DCAF5: variants seen among roughly 807,000 people sequenced by gnomAD.
The protein encoded by DCAF5 is DDB1- and CUL4-associated factor 5.
DCAF5 carries 9 observed loss-of-function variants against 80.7 expected under a neutral mutation model. The observed-to-expected ratio is 0.11, with a 90% confidence interval of 0.07 to 0.19. The LOEUF (loss-of-function observed/expected upper bound fraction) is 0.19, where lower values mean the gene tolerates loss of function less well. DCAF5 is among the 10% of genes least tolerant of loss of function. DCAF5 has a pLI of 1.00. For missense variants in DCAF5, 842 were observed against 1,205.7 expected, an observed-to-expected ratio of 0.70 and a Z score of 4.47; for synonymous variants, 433 against 461.9, an observed-to-expected ratio of 0.94 and a Z score of 0.80.
At chr14:69,144,254 A>G (rs2041464568) in intron 1 of DCAF5, among the ~76,000 whole-genome samples, 1 of 152,122 alleles carries the variant, frequency 6.6e-6, no homozygotes, top group Non-Finnish European at 1.5e-5. Context: ...AAAGTTAAAT[A>G]ATAATTTTCA....
At chr14:69,108,835 C>A (rs988692296) in intron 5 of DCAF5, among the ~76,000 whole-genome samples, 2 of 152,058 alleles carry the variant, frequency 1.3e-5, no homozygotes, top group Non-Finnish European at 2.9e-5. Context: ...CGAGCAAAAT[C>A]CCAGTTATCT....
At chr14:69,097,627 C>A (rs2039777358) in intron 5 of DCAF5, among the ~76,000 whole-genome samples, 1 of 147,214 alleles carries the variant, frequency 6.8e-6, no homozygotes, top group Admixed American at 6.8e-5. Context: ...CACTTTGTCA[C>A]CCAGGCTGGA....
At chr14:69,071,507 G>C (rs1160773763) in intron 7 of DCAF5, among the ~76,000 whole-genome samples, 1 of 151,056 alleles carries the variant, frequency 6.6e-6, no homozygotes, top group African/African-American at 2.4e-5. Context: ...CATGCCATTA[G>C]GTATACAATG....
At chr14:69,102,605 CACACACACACACACAT>C (rs2039999243) in intron 5 of DCAF5, among the ~76,000 whole-genome samples, 1 of 148,192 alleles carries the variant, frequency 6.7e-6, no homozygotes, top group Non-Finnish European at 1.5e-5. Context: ...CACACACACA[CACACACACACACACAT>C]ATTAGCCTAG....
At position 69,070,436 on chromosome 14, in the gene DCAF5, T is replaced by C. The variant is rs114140525; in HGVS notation, c.946+4909A>G. ...GTTTTCAGAAAGCTTCCAAGATTAT[T>C]AAATCAACACACAATATAAGGCAGA... On this transcript the variant is annotated intron_variant, in intron 7 of 8. Transcript: ENST00000341516. 2.8e-3 allele frequency among the ~76,000 whole-genome samples: 425 copies of C among 152,334 alleles called. 2 individuals are homozygous for C. The highest frequency in any genetic ancestry group is 9.9e-3 in the African/African-American group (410 of 41,588).
intron 1 of DCAF5, among the ~76,000 whole-genome samples, chr14:69,139,016 T>C (rs2041274086): frequency 6.6e-6 from 1 of 151,768 alleles, no homozygotes; most frequent in Non-Finnish European, 1.5e-5. Flanking sequence ...TCAGGTGTGA[T>C]GGCACGTGCT....
At position 69,050,967 on chromosome 14, in the gene DCAF5, A is replaced by C. The variant is rs1039423535; in HGVS notation, c.*2890T>G. The C allele has an allele frequency of 6.5e-6, 1 of 152,678 alleles. No homozygotes were observed. Among genetic ancestry groups the C allele is most frequent in the African/African-American group, 2.4e-5 (1 of 41,470 alleles). The allele number at this position is 152,678 out of a possible 1,614,324, so 9.5% of individuals were successfully genotyped here. ...TTTGCATATACACAAGAGAAGAGTT[A>C]ACCGTTACTGGGTGAGAAGGAGGTA... On this transcript the variant is annotated 3_prime_UTR_variant, in exon 9 of 9. Transcript: ENST00000341516.
At position 69,054,383 on chromosome 14, in the gene DCAF5, C is replaced by T. The variant is rs761736212; in HGVS notation, c.2303G>A (p.Ser768Asn). Residue 768 changes from serine to asparagine, a missense_variant, in exon 9 of 9, where the codon AGC becomes AAC. Coordinates refer to ENST00000341516, the MANE Select transcript of DCAF5 (RefSeq NM_003861.3). The part of the protein sequence containing the change: ...PEGTSQDTGN[S>N]GSVEHPFETK... ...TTCAAAAGGGTGCTCTACAGAGCCG[C>T]TATTGCCAGTGTCCTGAGAGGTACC... 3.7e-6 allele frequency: 6 copies of T among 1,614,154 alleles called. No individual in the cohort carries two copies. In the South Asian group the frequency reaches 4.4e-5, roughly 12 times the overall value.
At chr14:69,099,296 ACAC>A (rs1299720732) in intron 5 of DCAF5, among the ~76,000 whole-genome samples, 2 of 143,364 alleles carry the variant, frequency 1.4e-5, no homozygotes, top group Admixed American at 7.0e-5. Flanking sequence ...ACACACACAC[ACAC>A]AACTAACAAA....
intron 1 of DCAF5, among the ~76,000 whole-genome samples, chr14:69,145,862 CAG>C (rs2041521586): frequency 6.6e-6 from 1 of 152,124 alleles, no homozygotes; most frequent in African/African-American, 2.4e-5. Flanking sequence ...AAAAAGAAGA[CAG>C]AGATTAAAAT....
At position 69,122,350 on chromosome 14, in the gene DCAF5, G is replaced by A. The variant is rs2040748277; in HGVS notation, c.225C>T (p.Asp75=). ...GGQWLVSGGD[D]RRVLLWHMEQ... ...CCATGTGCCATAGCAGAACCCGGCG[G>A]TCATCTCCTCCTTAAGAAGGAAATA... Residue 75 remains aspartate (D), a synonymous_variant, in exon 2 of 9, where the codon GAC becomes GAT. Transcript: ENST00000341516. 1.2e-6 allele frequency: 2 copies of A among 1,610,622 alleles called. No individual in the cohort carries two copies. Among genetic ancestry groups the A allele is most frequent in the East Asian group, 2.2e-5 (1 of 44,826 alleles).
chr14:69,075,321 C>T (rs1348319005), intron 7 of DCAF5, 24 bp downstream of exon 7: 4 of 1,597,112 alleles, frequency 2.5e-6, no homozygotes, highest in Non-Finnish European at 2.6e-6. Flanking sequence ...AATAGCAGTA[C>T]ATTCATGTGA....
chr14:69,076,173 G>C (rs1221155596), intron 6 of DCAF5, among the ~76,000 whole-genome samples: 2 of 151,900 alleles, frequency 1.3e-5, no homozygotes, highest in Non-Finnish European at 2.9e-5. Flanking sequence ...GAGAACCCTT[G>C]TGCATTGCTG....
intron 8 of DCAF5, among the ~76,000 whole-genome samples, chr14:69,057,348 AT>A (rs11483352): frequency 0.025 from 3,659 of 147,870 alleles, 158 homozygotes; most frequent in African/African-American, 0.086. Context: ...AGCCCTTAGG[AT>A]TTTTTTTTTT....
chr14:69,063,404 T>C (rs892900420), intron 7 of DCAF5, among the ~76,000 whole-genome samples: 2 of 152,258 alleles, frequency 1.3e-5, no homozygotes, highest in African/African-American at 4.8e-5. Context: ...TCAAGTTCCT[T>C]CTGAGCAATC....
chr14:69,051,017 TGACA>T lies in DCAF5; in HGVS notation c.*2836_*2839del, dbSNP rs956753766. 2.6e-5 allele frequency: 4 copies of T among 152,618 alleles called. No individual in the cohort carries two copies. Among genetic ancestry groups the T allele is most frequent in the Admixed American group, 6.5e-5 (1 of 15,270 alleles). The allele number at this position is 152,618 out of a possible 1,614,324, so 9.5% of individuals were successfully genotyped here. On this transcript the variant is annotated 3_prime_UTR_variant, in exon 9 of 9. Transcript: ENST00000341516. The stretch of plus-strand genomic sequence containing the variant: ...AAGGCTTCAGCAGAGGAAGGCACCT[TGACA>T]GACAAACAAGAGACTCTCAGCTTAT...
Position 69,062,045 on chromosome 14 carries a change from C to T in DCAF5, c.1074+339G>A, listed in dbSNP as rs1426020611. On this transcript the variant is annotated intron_variant, in intron 8 of 8. Coordinates refer to ENST00000341516, the MANE Select transcript of DCAF5 (RefSeq NM_003861.3). ...GTTCTGAAAAGAGCATTTTAAATCA[C>T]CTTTCTTTCTTCTTTTTTTAAAATT... Among the ~76,000 whole-genome samples, 22 of 151,424 alleles carry T rather than the reference C, an allele frequency of 1.5e-4. 1 individual carries two copies. The highest frequency in any genetic ancestry group is 1.4e-3 in the Admixed American group (22 of 15,218).
At chr14:69,126,384 T>A (rs1035368659) in intron 1 of DCAF5, among the ~76,000 whole-genome samples, 1 of 152,144 alleles carries the variant, frequency 6.6e-6, no homozygotes, top group Admixed American at 6.5e-5. Flanking sequence ...CTTGAACTCC[T>A]GACCTCAGTT....
intron 5 of DCAF5, among the ~76,000 whole-genome samples, chr14:69,098,598 A>C (rs961904844): frequency 2.6e-5 from 4 of 152,022 alleles, no homozygotes; most frequent in Non-Finnish European, 5.9e-5. Flanking sequence ...AAAAACACTG[A>C]CTTGGCCAGG....
Sources: gnomAD v4.1 joint callset for allele counts (sites outside exome capture counted in the v4.1 genomes callset) on GRCh38, gnomAD v4.1.1 for gene constraint, MANE v1.5 for transcripts, NCBI Gene and HGNC (gene_info 2026-07-23, HGNC 2026-07-21) for gene names.